Variants in APCDD1 observed in about 807,000 individuals in gnomAD.
APCDD1 encodes the protein APC down-regulated 1, also known as protein APCDD1.
Under a neutral mutation model 38.1 loss-of-function variants are expected in APCDD1, and 15 were observed. The ratio of observed to expected loss-of-function variants is 0.39; its 90% confidence interval spans 0.26 to 0.61. The LOEUF (loss-of-function observed/expected upper bound fraction) is 0.61, where lower values mean the gene tolerates loss of function less well. Ranked by LOEUF, APCDD1 falls within the 20% of genes least tolerant of loss-of-function variation. The pLI, the probability that APCDD1 is intolerant of heterozygous loss-of-function variation, is 0.49. For synonymous variants in APCDD1, 261 were observed against 279.7 expected (o/e 0.93, Z 0.67); for missense variants, 647 against 696.2 (o/e 0.93, Z 0.79).
rs1458047690 is a variant in APCDD1, at chr18:10,487,574, C to T, written c.1097-16C>T. The T allele has an allele frequency of 2.5e-6, 4 of 1,613,722 alleles. No homozygotes were observed. The South Asian group carries it at 3.3e-5, about 13-fold the overall frequency. ...CTACTCCCTGGAGTCATGGAACTCTCCTTTCTCCTTTGCAGTGAATCACAT... is the reference window on the plus strand; with the variant it reads ...CTACTCCCTGGAGTCATGGAACTCTTCTTTCTCCTTTGCAGTGAATCACAT... On this transcript the variant is annotated splice_polypyrimidine_tract_variant and intron_variant, in intron 4 of 4. Transcript: ENST00000355285.
rs575651637 is a variant in APCDD1 at position 10,464,413 on chromosome 18, G to A, written c.59-4056G>A. On this transcript the variant is annotated intron_variant, in intron 1 of 4. Coordinates refer to ENST00000355285, the MANE Select transcript of APCDD1 (RefSeq NM_153000.5). ...GGCTCCTAAAGTATAGCAAATAAAG[G>A]TTTATAGTGTTTTATTTGTTTATTT... Among the ~76,000 whole-genome samples the A allele has an allele frequency of 7.9e-5, 12 of 151,810 alleles. 1 individual carries two copies. The South Asian group carries it at 2.1e-3, about 26-fold the overall frequency.
chr18:10,460,943 C>A (rs2143511254), intron 1 of APCDD1, among the ~76,000 whole-genome samples: 1 of 152,298 alleles, frequency 6.6e-6, no homozygotes, highest in Admixed American at 6.5e-5. Flanking sequence ...GAACAGTTAA[C>A]CTGACACACA....
chr18:10,472,135 C>T lies in APCDD1; in HGVS notation c.774+74C>T, dbSNP rs2030876653. 1.3e-6 allele frequency: 2 copies of T among 1,594,740 alleles called. No homozygotes were observed. Among genetic ancestry groups the T allele is most frequent in the African/African-American group, 2.7e-5 (2 of 74,500 alleles). On this transcript the variant is annotated intron_variant, in intron 3 of 4. Coordinates refer to ENST00000355285, the MANE Select transcript of APCDD1 (RefSeq NM_153000.5). This position sits in a 1 kb window ranked among gnomAD's most constrained non-coding sequence, Gnocchi z 6.6. ...CCTTCTTAAAGGCTTGCCATGGGGG[C>T]TCTAGGGCACCCTTGAAAGGGGGAA...
chr18:10,466,274 G>A (rs186234564), intron 1 of APCDD1, among the ~76,000 whole-genome samples: 47 of 152,306 alleles, frequency 3.1e-4, no homozygotes, highest in African/African-American at 1.1e-3. Context: ...GGCTGGCAGA[G>A]GTCCAGTAAG....
intron 1 of APCDD1, among the ~76,000 whole-genome samples, chr18:10,455,801 T>A (rs1314457068): frequency 1.3e-5 from 2 of 152,188 alleles, no homozygotes; most frequent in African/African-American, 4.8e-5. Flanking sequence ...GAAATTGCGC[T>A]GAAAACACCA....
At chr18:10,473,723 G>A (rs986587242) in intron 3 of APCDD1, among the ~76,000 whole-genome samples, 3 of 152,162 alleles carry the variant, frequency 2.0e-5, no homozygotes, top group Admixed American at 6.5e-5. Context: ...GGGAAAATGG[G>A]TAAGAATAAT....
chr18:10,455,240 C>T (rs2030347733), intron 1 of APCDD1, among the ~76,000 whole-genome samples: 1 of 152,188 alleles, frequency 6.6e-6, no homozygotes, highest in Non-Finnish European at 1.5e-5. Flanking sequence ...TGGGACCGCT[C>T]TCCCCCAGGG....
chr18:10,488,128 T>A lies in APCDD1; in HGVS notation c.*90T>A. 6.9e-7 allele frequency: 1 copy of A among 1,456,108 alleles called. No homozygotes were observed. Among genetic ancestry groups the A allele is most frequent in the Non-Finnish European group, 9.4e-7 (1 of 1,067,476 alleles). 90.2% of individuals were successfully genotyped at this position (1,456,108 alleles called of 1,614,324 possible). A position where few individuals can be genotyped will look rare whatever the true frequency, so the allele number is the denominator to read the frequency against. ...AAAGAAAAGACATTTATTCTTTTGA[T>A]GCACTTGAATGCCAGAGAACTGTCC... On this transcript the variant is annotated 3_prime_UTR_variant, in exon 5 of 5. Coordinates refer to ENST00000355285, the MANE Select transcript of APCDD1 (RefSeq NM_153000.5).
rs1568009178 is a variant in APCDD1, at chr18:10,487,950, G to A, written c.1457G>A (p.Gly486Asp). 3.7e-6 allele frequency: 6 copies of A among 1,613,750 alleles called. No individual in the cohort carries two copies. The highest frequency in any genetic ancestry group is 3.4e-6 in the Non-Finnish European group (4 of 1,179,964). The change falls in exon 5 of 5, where the codon GGC becomes GAC. Residue 486 changes from glycine to aspartate, a missense_variant. Transcript: ENST00000355285. ...GAAGACAGTGGAAGCAGCCTGTATG[G>A]CCGGGCCCCTGGGAGGCACACCTGG... is the stretch of plus-strand genomic sequence containing the variant. ...LAEDSGSSLY[G>D]RAPGRHTWSL...
Position 10,488,197 on chromosome 18 carries a change from C to G in APCDD1, c.*159C>G. On this transcript the variant is annotated 3_prime_UTR_variant, in exon 5 of 5. Coordinates refer to ENST00000355285, the MANE Select transcript of APCDD1 (RefSeq NM_153000.5). Reference sequence around the variant, plus strand: ...TCCCTCCCAGCCCCTGAGTCATGAACAGCAAGGAGTGTTTGAAGTTTCTGC... The same window carrying G: ...TCCCTCCCAGCCCCTGAGTCATGAAGAGCAAGGAGTGTTTGAAGTTTCTGC... The G allele has an allele frequency of 1.1e-6, 1 of 910,868 alleles. No homozygotes were observed. Among genetic ancestry groups the G allele is most frequent in the Non-Finnish European group, 1.7e-6 (1 of 603,010 alleles). The allele number at this position is 910,868 out of a possible 1,614,324, so 56.4% of individuals were successfully genotyped here. A position where few individuals can be genotyped will look rare whatever the true frequency, so the allele number is the denominator to read the frequency against.
chr18:10,471,628 G>A lies in APCDD1; in HGVS notation c.341G>A (p.Arg114Gln), dbSNP rs1302943042. 2.5e-6 allele frequency: 4 copies of A among 1,614,100 alleles called. No individual in the cohort carries two copies. The highest frequency in any genetic ancestry group is 3.3e-5 in the Admixed American group (2 of 60,018). ...TACCAATTTTATTATGGCAGCAACC[G>A]GTGCACAAATCCCACTTATACTCTC... ...KAYQFYYGSN[R>Q]CTNPTYTLII... Residue 114 changes from arginine (R) to glutamine (Q), a missense_variant, in exon 3 of 5, where the codon CGG becomes CAG. Arg to Gln is a conservative substitution (Grantham distance 43, BLOSUM62 1). Coordinates refer to ENST00000355285, the MANE Select transcript of APCDD1 (RefSeq NM_153000.5). This position sits in a 1 kb window ranked among gnomAD's most constrained non-coding sequence, Gnocchi z 5.5.
At chr18:10,468,433 T>A (rs770333212) in intron 1 of APCDD1, 36 bp from the exon 2 acceptor site, 9 of 1,612,516 alleles carry the variant, frequency 5.6e-6, no homozygotes, top group Non-Finnish European at 7.6e-6. Flanking sequence ...TGCTGCTACT[T>A]CTTCTTTTGG....
At position 10,455,011 on chromosome 18, in the gene APCDD1, A is replaced by G. The variant is rs777854140; in HGVS notation, c.30A>G (p.Arg10=). 6.4e-7 allele frequency: 1 copy of G among 1,564,576 alleles called. No homozygotes were observed. Among genetic ancestry groups the G allele is most frequent in the South Asian group, 1.2e-5 (1 of 85,022 alleles). Residue 10 remains arginine (R), a synonymous_variant, in exon 1 of 5, where the codon AGA becomes AGG. Transcript: ENST00000355285. The stretch of plus-strand genomic sequence containing the variant: ...CCTGGCCGCGCCGCCTCCTGCTCAG[A>G]TACCTGTTCCCGGCCCTCCTGCTTC... The part of the protein sequence containing the change: MSWPRRLLL[R]YLFPALLLHG...
rs557944136 is a variant in APCDD1 at position 10,467,710 on chromosome 18, T to G, written c.59-759T>G. Among the ~76,000 whole-genome samples, 22 of 152,282 alleles carry G rather than the reference T, an allele frequency of 1.4e-4. No individual in the cohort carries two copies. The South Asian group carries it at 4.4e-3, about 30-fold the overall frequency. On this transcript the variant is annotated intron_variant, in intron 1 of 4. Transcript: ENST00000355285. The surrounding 1 kb of genome is among the most constrained non-coding windows in gnomAD (Gnocchi z 4.8). ...TGTATGTTTAGGTTATTTCTGGCCT[T>G]GTGAGGGTGAGGGGCTGGACTTGGA...
chr18:10,464,508 G>C (rs1421013014), intron 1 of APCDD1, among the ~76,000 whole-genome samples: 4 of 152,152 alleles, frequency 2.6e-5, no homozygotes, highest in African/African-American at 9.7e-5. Context: ...CTGCAGCCTT[G>C]AACTTCTGGG....
At position 10,467,764 on chromosome 18, in the gene APCDD1, C is replaced by A. The variant is rs190101458; in HGVS notation, c.59-705C>A. Reference sequence around the variant, plus strand: ...TAATTGGGGGGGAAATGTCACACCACGTCCCTATTGTAGGAGGGTGCAAGG... The same window carrying A: ...TAATTGGGGGGGAAATGTCACACCAAGTCCCTATTGTAGGAGGGTGCAAGG... On this transcript the variant is annotated intron_variant, in intron 1 of 4. Coordinates refer to ENST00000355285, the MANE Select transcript of APCDD1 (RefSeq NM_153000.5). This position sits in a 1 kb window ranked among gnomAD's most constrained non-coding sequence, Gnocchi z 4.8. Among the ~76,000 whole-genome samples, 1 of 152,216 alleles carries A rather than the reference C, an allele frequency of 6.6e-6. No individual in the cohort carries two copies.
rs1424210920 is a variant in APCDD1, at chr18:10,484,071, AG to A, written c.775-1390del. 2.6e-5 allele frequency among the ~76,000 whole-genome samples: 4 copies of A among 152,316 alleles called. No homozygotes were observed. In the East Asian group the frequency reaches 7.7e-4, roughly 29 times the overall value. The stretch of plus-strand genomic sequence containing the variant: ...GCCTTTCTGTGCCACAAACCTAGAC[AG>A]CCCTTGTTCCCTGCTGTGTCCGTGT... On this transcript the variant is annotated intron_variant, in intron 3 of 4. Coordinates refer to ENST00000355285, the MANE Select transcript of APCDD1 (RefSeq NM_153000.5).
chr18:10,484,060 C>G (rs766358056), intron 3 of APCDD1, among the ~76,000 whole-genome samples: 1 of 152,234 alleles, frequency 6.6e-6, no homozygotes, highest in Admixed American at 6.5e-5. Context: ...TTCTGTGCCA[C>G]AAACCTAGAC....
At chr18:10,473,075 C>G (rs557769753) in intron 3 of APCDD1, among the ~76,000 whole-genome samples, 6 of 152,170 alleles carry the variant, frequency 3.9e-5, no homozygotes, top group East Asian at 1.9e-4. Context: ...AACTGTGGAG[C>G]CCTGCTTAAC....
Sources: allele counts gnomAD v4.1 joint callset (sites outside exome capture counted in the v4.1 genomes callset), GRCh38; gene constraint gnomAD v4.1.1; non-coding constraint Gnocchi (gnomAD v3.1); transcripts MANE v1.5; gene names NCBI Gene and HGNC (gene_info 2026-07-23, HGNC 2026-07-21).